Variants in ABR observed in about 807,000 individuals in gnomAD.
ABR encodes ABR activator of RhoGEF and GTPase, also known as active breakpoint cluster region-related protein.
ABR carries 35 observed loss-of-function variants against 107.2 expected under a neutral mutation model. The observed-to-expected ratio is 0.33, with a 90% CI of 0.25 to 0.43. The LOEUF (loss-of-function observed/expected upper bound fraction) is 0.43, where lower values mean the gene tolerates loss of function less well. Ranked by LOEUF, ABR falls within the 20% of genes least tolerant of loss-of-function variation. The probability of loss-of-function intolerance (pLI) is 1.00; values close to 1 mark genes in which losing one functional copy is unlikely to be tolerated. For missense variants in ABR, 815 were observed against 1,115.2 expected, an observed-to-expected ratio of 0.73 and a Z score of 3.83; for synonymous variants, 498 against 462.0, an observed-to-expected ratio of 1.08 and a Z score of -1.00.
Position 1,066,565 on chromosome 17 carries a change from A to G in ABR, c.1182+512T>C, listed in dbSNP as rs188798823. Among the ~76,000 whole-genome samples, 470 of 149,802 alleles carry G rather than the reference A, an allele frequency of 3.1e-3. 2 individuals are homozygous for G. Among genetic ancestry groups the G allele is most frequent in the African/African-American group, 0.011 (439 of 40,608 alleles). On this transcript the variant is annotated intron_variant, in intron 10 of 22. Transcript: ENST00000302538. The stretch of plus-strand genomic sequence containing the variant: ...TTTGTTTTTGACAGAATCTCACTCT[A>G]TTGCCTAGACTGGAGTGCATTGGCA...
chr17:1,125,230 C>G lies in ABR; in HGVS notation c.199G>C (p.Gly67Arg), dbSNP rs148912251. ...GGAGTCGGGGAGACGCCATCCCCCC[C>G]GCCCTGGCTGCGGGCGCTGAGCTGC... ...SPQLSARSQG[G>R]GDGVSPTPPE... Residue 67 changes from glycine (G) to arginine (R), a missense_variant, in exon 2 of 23, where the codon GGG becomes CGG. By Grantham distance (125) the Gly-to-Arg change is moderately radical. Transcript: ENST00000302538. The G allele has an allele frequency of 6.8e-5, 109 of 1,610,038 alleles. No individual in the cohort carries two copies. Among genetic ancestry groups the G allele is most frequent in the African/African-American group, 4.1e-4 (31 of 74,890 alleles).
chr17:1,208,982 G>C (rs1371653969), intron 1 of ABR, among the ~76,000 whole-genome samples: 1 of 151,896 alleles, frequency 6.6e-6, no homozygotes, highest in African/African-American at 2.4e-5. Flanking sequence ...CATGTATGTA[G>C]TGAACACCTG....
chr17:1,067,341 C>T, intron 9 of ABR, 99 bp from the exon 10 acceptor site: 1 of 1,196,792 alleles, frequency 8.4e-7, no homozygotes, highest in Non-Finnish European at 1.1e-6. Flanking sequence ...CAGGGGTTGA[C>T]TGAGAACTCG....
chr17:1,172,711 C>A (rs532105060), intron 1 of ABR, among the ~76,000 whole-genome samples: 1 of 151,998 alleles, frequency 6.6e-6, no homozygotes, highest in African/African-American at 2.4e-5. Flanking sequence ...GATTGCCCCA[C>A]TGCACTCCAG....
At chr17:1,147,814 C>G (rs2040615601) in intron 1 of ABR, among the ~76,000 whole-genome samples, 1 of 152,206 alleles carries the variant, frequency 6.6e-6, no homozygotes, top group African/African-American at 2.4e-5. Context: ...CCTAACCCCA[C>G]CCACGCCAGC....
rs1190408673 is a variant in ABR, at chr17:1,050,351, G to A, written c.1660-170C>T. 1.3e-5 allele frequency among the ~76,000 whole-genome samples: 2 copies of A among 152,136 alleles called. No homozygotes were observed. The highest frequency in any genetic ancestry group is 2.9e-5 in the Non-Finnish European group (2 of 68,004). On this transcript the variant is annotated intron_variant, in intron 15 of 22. Coordinates refer to ENST00000302538, the MANE Select transcript of ABR (RefSeq NM_021962.5). This position sits in a 1 kb window ranked among gnomAD's most constrained non-coding sequence, Gnocchi z 4.6. ...CCTCCCATCACCCCTGGAGTCTGGG[G>A]GCCTGAGCTGACACCACAGGGTCTG...
At position 1,051,366 on chromosome 17, in the gene ABR, C is replaced by T. The variant is rs144952443; in HGVS notation, c.1562-732G>A. Among the ~76,000 whole-genome samples the T allele has an allele frequency of 4.8e-5, 7 of 145,860 alleles. No individual in the cohort carries two copies. The highest frequency in any genetic ancestry group is 1.4e-4 in the Admixed American group (2 of 14,768). ...CAGGGCTGGGAACCCAGCTGGCACACGGTGAACGAGGCTCCCACCACCACC... is the reference window on the plus strand; with the variant it reads ...CAGGGCTGGGAACCCAGCTGGCACATGGTGAACGAGGCTCCCACCACCACC... On this transcript the variant is annotated intron_variant, in intron 14 of 22. Coordinates refer to ENST00000302538, the MANE Select transcript of ABR (RefSeq NM_021962.5). This position sits in a 1 kb window ranked among gnomAD's most constrained non-coding sequence, Gnocchi z 4.3.
chr17:1,182,496 T>C (rs1265530691), upstream of ABR, among the ~76,000 whole-genome samples: 1 of 152,114 alleles, frequency 6.6e-6, no homozygotes, highest in Non-Finnish European at 1.5e-5. Context: ...GCCTCCCGAG[T>C]AGCTGGGACT....
At chr17:1,055,991 A>G in intron 14 of ABR, 44 bp downstream of exon 14, 1 of 1,574,938 alleles carries the variant, frequency 6.3e-7, no homozygotes, top group South Asian at 1.1e-5. Flanking sequence ...GCAGTGCAGA[A>G]TCCACAATGG....
upstream of ABR, among the ~76,000 whole-genome samples, chr17:1,191,836 C>T (rs971054372): frequency 2.0e-5 from 3 of 152,132 alleles, no homozygotes; most frequent in Non-Finnish European, 4.4e-5. Flanking sequence ...TCATTGTCAC[C>T]GTGCCACACG....
At chr17:1,020,103 A>C (rs977160978) in intron 16 of ABR, among the ~76,000 whole-genome samples, 7 of 151,060 alleles carry the variant, frequency 4.6e-5, no homozygotes, top group Non-Finnish European at 8.9e-5. Context: ...TTTTTTTTTG[A>C]GACGGAGTCG....
intron 16 of ABR, among the ~76,000 whole-genome samples, chr17:1,042,832 C>T (rs527700749): frequency 7.2e-5 from 11 of 152,184 alleles, no homozygotes; most frequent in African/African-American, 2.4e-4. Context: ...CACGGACGGA[C>T]GGGCAGATAA....
intron 2 of ABR, among the ~76,000 whole-genome samples, chr17:1,120,489 G>GTTCAC (rs2039298705): frequency 6.6e-6 from 1 of 152,132 alleles, no homozygotes; most frequent in Non-Finnish European, 1.5e-5. Context: ...ATGCTGGCCA[G>GTTCAC]GATGGTCTTG....
chr17:1,192,543 G>A (rs184397295), intron 1 of ABR, among the ~76,000 whole-genome samples: 293 of 151,862 alleles, frequency 1.9e-3, no homozygotes, highest in Non-Finnish European at 2.8e-3. Flanking sequence ...CTGGGAGGCC[G>A]AGGTGGGCGG....
At position 1,025,103 on chromosome 17, in the gene ABR, C is replaced by CAG. The variant is rs528391557; in HGVS notation, c.1792-11941_1792-11940dup. On this transcript the variant is annotated intron_variant, in intron 16 of 22. Coordinates refer to ENST00000302538, the MANE Select transcript of ABR (RefSeq NM_021962.5). ...CGCCACTGCACTCCAGCCTGGGCGA[C>CAG]AGCGAGACTCCGTCTCAAAAAAAAA... 2.3e-4 allele frequency among the ~76,000 whole-genome samples: 18 copies of CAG among 79,276 alleles called. No homozygotes were observed. In the East Asian group the frequency reaches 5.4e-3, roughly 24 times the overall value. 52.0% of individuals were successfully genotyped at this position (79,276 alleles called of 152,430 possible).
chr17:1,109,917 C>G (rs2038561679), intron 2 of ABR, among the ~76,000 whole-genome samples: 1 of 121,898 alleles, frequency 8.2e-6, no homozygotes, highest in Non-Finnish European at 1.7e-5. Flanking sequence ...GCACCCCCAC[C>G]TCCTCTGAGC....
intron 13 of ABR, 143 bp downstream of exon 13, chr17:1,056,855 T>A: frequency 3.3e-6 from 2 of 605,594 alleles, no homozygotes; most frequent in South Asian, 3.7e-5. Flanking sequence ...CCAAGCTGTG[T>A]CCTGGCCACT....
chr17:1,160,930 G>A (rs2041265462), intron 1 of ABR, among the ~76,000 whole-genome samples: 1 of 152,238 alleles, frequency 6.6e-6, no homozygotes, highest in Non-Finnish European at 1.5e-5. Flanking sequence ...ACTCCATCGA[G>A]CCTTGCTCTC....
rs1176113539 is a variant in ABR, at chr17:1,083,798, G to C, written c.532-171C>G. The stretch of plus-strand genomic sequence containing the variant: ...GATGAACATATTACAGTGTCCCTTT[G>C]AACTGGACAGTTTCCATGGAAACCA... On this transcript the variant is annotated intron_variant, in intron 4 of 22. Transcript: ENST00000302538. 3 of 607,244 alleles carry C rather than the reference G, an allele frequency of 4.9e-6. No homozygotes were observed. The East Asian group carries it at 8.9e-5, about 18-fold the overall frequency. 37.6% of individuals were successfully genotyped at this position (607,244 alleles called of 1,614,324 possible). A position where few individuals can be genotyped will look rare whatever the true frequency, so the allele number is the denominator to read the frequency against.
Sources: allele counts gnomAD v4.1 joint callset (sites outside exome capture counted in the v4.1 genomes callset), GRCh38; gene constraint gnomAD v4.1.1; non-coding constraint Gnocchi (gnomAD v3.1); transcripts MANE v1.5; gene names NCBI Gene and HGNC (gene_info 2026-07-23, HGNC 2026-07-21).